PARM1: variants seen among roughly 807,000 people sequenced by gnomAD.
PARM1 encodes prostate androgen-regulated mucin-like protein 1, also known as WSC4, cell wall integrity and stress response component 4 homolog.
PARM1 carries 14 observed loss-of-function variants against 24.6 expected under a neutral mutation model. The observed-to-expected ratio is 0.57, with a 90% CI of 0.38 to 0.89. PARM1 has a LOEUF of 0.89. Among genes scored for constraint, PARM1 ranks in the 40% least tolerant of loss-of-function variants. The pLI, the probability that PARM1 is intolerant of heterozygous loss-of-function variation, is 0.00. For missense variants in PARM1, 362 were observed against 380.4 expected, an observed-to-expected ratio of 0.95 and a Z score of 0.40; for synonymous variants, 179 against 156.6, an observed-to-expected ratio of 1.14 and a Z score of -1.07.
chr4:74,967,865 T>C (rs1222815878), intron 1 of PARM1: 1 of 152,242 alleles, frequency 6.6e-6, no homozygotes, highest in South Asian at 2.1e-4. Context: ...AGACGGATTG[T>C]TAGCCAATAC....
chr4:75,006,187 C>G (rs1448821797), intron 1 of PARM1, among the ~76,000 whole-genome samples: 1 of 152,074 alleles, frequency 6.6e-6, no homozygotes, highest in African/African-American at 2.4e-5. Context: ...TACATGTGCA[C>G]AACTTGCAGG....
At chr4:74,990,238 A>T (rs1722439567) in intron 1 of PARM1, among the ~76,000 whole-genome samples, 1 of 152,180 alleles carries the variant, frequency 6.6e-6, no homozygotes, top group African/African-American at 2.4e-5. Flanking sequence ...AGAGCAGAGT[A>T]TGCACATGGA....
intron 3 of PARM1, among the ~76,000 whole-genome samples, chr4:75,041,270 A>G (rs984475610): frequency 6.6e-6 from 1 of 152,252 alleles, no homozygotes; most frequent in Non-Finnish European, 1.5e-5. Flanking sequence ...GGAGACAGTG[A>G]CAGCTGCATC....
rs1483778659 is a variant in PARM1, at chr4:75,037,755, G to A, written c.848+3794G>A. ...TGACTCTTCTACTTACTATTTAGGCGGCCTTGGGCAAATTATTAACTCCTT... is the reference window on the plus strand; with the variant it reads ...TGACTCTTCTACTTACTATTTAGGCAGCCTTGGGCAAATTATTAACTCCTT... On this transcript the variant is annotated intron_variant, in intron 3 of 3. Transcript: ENST00000307428. Among the ~76,000 whole-genome samples the A allele has an allele frequency of 2.6e-5, 4 of 152,078 alleles. No individual in the cohort carries two copies. The South Asian group carries it at 8.3e-4, about 32-fold the overall frequency.
At chr4:74,941,607 G>A (rs754273751) in intron 1 of PARM1, among the ~76,000 whole-genome samples, 10 of 152,160 alleles carry the variant, frequency 6.6e-5, no homozygotes, top group Non-Finnish European at 1.5e-4. Flanking sequence ...TATGAATATA[G>A]TATTTGTTTT....
At chr4:75,042,309 A>G (rs1046036690) in intron 3 of PARM1, among the ~76,000 whole-genome samples, 4 of 152,236 alleles carry the variant, frequency 2.6e-5, no homozygotes, top group Admixed American at 6.5e-5. Flanking sequence ...AGACACAGCA[A>G]AGAGAAAACA....
chr4:74,981,845 T>C (rs6854080), intron 1 of PARM1, among the ~76,000 whole-genome samples: 46,238 of 126,938 alleles, frequency 0.36, 9,293 homozygotes, highest in African/African-American at 0.61. Flanking sequence ...ACTGCACAAA[T>C]AACAGTCTGA....
chr4:74,944,801 T>TA lies in PARM1; in HGVS notation c.43+11440dup, dbSNP rs201129512. 8.0e-3 allele frequency among the ~76,000 whole-genome samples: 1,212 copies of TA among 151,592 alleles called. 11 individuals are homozygous for TA. The highest frequency in any genetic ancestry group is 0.028 in the African/African-American group (1,148 of 41,340). ...AGAAATTTACAGCCAAGATTTTGGT[T>TA]AAAAAAAAATTAATGTCATAAGAAA... On this transcript the variant is annotated intron_variant, in intron 1 of 3. Coordinates refer to ENST00000307428, the MANE Select transcript of PARM1 (RefSeq NM_015393.4).
intron 1 of PARM1, among the ~76,000 whole-genome samples, chr4:74,959,730 C>T (rs1360201295): frequency 6.6e-6 from 1 of 152,108 alleles, no homozygotes; most frequent in African/African-American, 2.4e-5. Context: ...CTTGTATCAA[C>T]AAGAATATTG....
chr4:74,960,772 G>A (rs1721753182), intron 1 of PARM1, among the ~76,000 whole-genome samples: 1 of 151,976 alleles, frequency 6.6e-6, no homozygotes, highest in African/African-American at 2.4e-5. Flanking sequence ...ACTTTGGGAG[G>A]CCGAGGCGGG....
chr4:74,947,020 G>C (rs956328083), intron 1 of PARM1, among the ~76,000 whole-genome samples: 1 of 152,182 alleles, frequency 6.6e-6, no homozygotes, highest in African/African-American at 2.4e-5. Flanking sequence ...GCTAATAAAT[G>C]AAGAAGGCAT....
intron 2 of PARM1, among the ~76,000 whole-genome samples, chr4:75,026,157 T>G (rs924718758): frequency 2.0e-5 from 3 of 152,360 alleles, no homozygotes; most frequent in Admixed American, 2.0e-4. Context: ...GATGCTTTCT[T>G]TTTGCAACAT....
chr4:74,951,411 C>T (rs776347777), intron 1 of PARM1, among the ~76,000 whole-genome samples: 7 of 152,154 alleles, frequency 4.6e-5, no homozygotes, highest in Non-Finnish European at 1.0e-4. Context: ...CCTTTGTTTG[C>T]ATGCAAGGGA....
At chr4:74,978,004 A>G (rs1434894671) in intron 1 of PARM1, among the ~76,000 whole-genome samples, 3 of 152,222 alleles carry the variant, frequency 2.0e-5, no homozygotes, top group Non-Finnish European at 4.4e-5. Flanking sequence ...ACCAGCTACT[A>G]TAAAAACACA....
At chr4:74,945,790 A>G (rs1042250383) in intron 1 of PARM1, among the ~76,000 whole-genome samples, 8 of 152,206 alleles carry the variant, frequency 5.3e-5, no homozygotes, top group Non-Finnish European at 1.5e-5. Context: ...AGAATATACA[A>G]TTTATTTTTC....
At chr4:74,948,538 A>G (rs1721449559) in intron 1 of PARM1, among the ~76,000 whole-genome samples, 1 of 152,190 alleles carries the variant, frequency 6.6e-6, no homozygotes, top group Admixed American at 6.5e-5. Context: ...TATAAGACAA[A>G]TACATCTTAT....
At chr4:74,940,352 C>T (rs781360068) in intron 1 of PARM1, among the ~76,000 whole-genome samples, 2 of 152,142 alleles carry the variant, frequency 1.3e-5, no homozygotes, top group African/African-American at 2.4e-5. Context: ...TAACAAAACA[C>T]CATAAACAGG....
Position 74,936,455 on chromosome 4 carries a change from T to TG in PARM1, c.43+3085_43+3086insG, listed in dbSNP as rs1339006295. 2.3e-3 allele frequency among the ~76,000 whole-genome samples: 254 copies of TG among 110,288 alleles called. 3 individuals are homozygous for TG. Among genetic ancestry groups the TG allele is most frequent in the African/African-American group, 7.7e-3 (227 of 29,416 alleles). The allele number at this position is 110,288 out of a possible 152,430, so 72.4% of individuals were successfully genotyped here. A position where few individuals can be genotyped will look rare whatever the true frequency, so the allele number is the denominator to read the frequency against. On this transcript the variant is annotated intron_variant, in intron 1 of 3. Coordinates refer to ENST00000307428, the MANE Select transcript of PARM1 (RefSeq NM_015393.4). The stretch of plus-strand genomic sequence containing the variant: ...ATTCAAGTGTTTTTTTTTTGTTTGT[T>TG]TTTTTGTTTTTTTTTTGAGATGGAG...
At chr4:75,039,308 G>T (rs1393376475) in intron 3 of PARM1, among the ~76,000 whole-genome samples, 1 of 152,064 alleles carries the variant, frequency 6.6e-6, no homozygotes, top group African/African-American at 2.4e-5. Context: ...GAGGCGGGCA[G>T]ATCATGAGGT....
Sources: allele counts gnomAD v4.1 joint callset (sites outside exome capture counted in the v4.1 genomes callset), GRCh38; gene constraint gnomAD v4.1.1; transcripts MANE v1.5; gene names NCBI Gene and HGNC (gene_info 2026-07-23, HGNC 2026-07-21).